Variants in LRIF1 observed in about 807,000 individuals in gnomAD.
LRIF1 encodes ligand-dependent nuclear receptor-interacting factor 1.
In LRIF1, 32 loss-of-function variants were observed where a neutral mutation model predicts 52.7. The ratio of observed to expected loss-of-function variants is 0.61; its 90% CI spans 0.46 to 0.82. The LOEUF is 0.82. LRIF1 is among the 40% of genes least tolerant of loss of function. LRIF1 has a pLI of 0.00. For missense variants in LRIF1, 887 were observed against 892.0 expected (o/e 0.99, Z 0.07); for synonymous variants, 323 against 317.4 (o/e 1.02, Z -0.19).
At chr1:110,897,608 T>A in the LRIF1 span, 20 of 474,176 alleles carry the variant, frequency 4.2e-5, no homozygotes, top group African/African-American at 3.9e-4. Flanking sequence ...ACTGTAATGA[T>A]AACACCACCA....
the LRIF1 span, among the ~76,000 whole-genome samples, chr1:110,931,800 T>C: frequency 5.9e-4 from 90 of 152,348 alleles, no homozygotes; most frequent in African/African-American, 2.1e-3. Flanking sequence ...GATGTGTCTG[T>C]TCATATCCTT....
the LRIF1 span, among the ~76,000 whole-genome samples, chr1:110,926,104 A>G: frequency 6.6e-6 from 1 of 152,150 alleles, no homozygotes; most frequent in African/African-American, 2.4e-5. Flanking sequence ...TTTAAATATC[A>G]TCATAATCAA....
the LRIF1 span, chr1:110,896,604 T>G: frequency 6.4e-7 from 1 of 1,566,586 alleles, no homozygotes. Context: ...ACAGCTTTTT[T>G]TCACTGTTGA....
chr1:110,920,931 C>A, the LRIF1 span, among the ~76,000 whole-genome samples: 437 of 152,134 alleles, frequency 2.9e-3, 1 homozygote, highest in African/African-American at 0.01. Context: ...CCAGCAAAAT[C>A]TAGTTAGGAG....
the LRIF1 span, among the ~76,000 whole-genome samples, chr1:110,914,448 T>C: frequency 6.6e-6 from 1 of 152,218 alleles, no homozygotes; most frequent in Non-Finnish European, 1.5e-5. Flanking sequence ...TATGTAAAAC[T>C]GATTAAACTC....
At chr1:110,875,275 C>T in the LRIF1 span, among the ~76,000 whole-genome samples, 1 of 152,166 alleles carries the variant, frequency 6.6e-6, no homozygotes, top group Non-Finnish European at 1.5e-5. Context: ...GTGGAAAGCC[C>T]TTTCTCCTAC....
chr1:110,910,146 T>C, the LRIF1 span, among the ~76,000 whole-genome samples: 10 of 151,730 alleles, frequency 6.6e-5, no homozygotes, highest in Admixed American at 2.6e-4. Flanking sequence ...AAGAGAGATA[T>C]CTAGAATCTA....
chr1:110,912,183 T>C, the LRIF1 span, among the ~76,000 whole-genome samples: 1 of 152,098 alleles, frequency 6.6e-6, no homozygotes, highest in Non-Finnish European at 1.5e-5. Flanking sequence ...AAAAAATCAG[T>C]AGCATTTCTT....
intron 1 of LRIF1, among the ~76,000 whole-genome samples, chr1:110,962,639 A>T (rs979572117): frequency 6.6e-6 from 1 of 152,220 alleles, no homozygotes; most frequent in African/African-American, 2.4e-5. Context: ...CCTAATCTTT[A>T]AAATATTTCT....
the LRIF1 span, among the ~76,000 whole-genome samples, chr1:110,882,278 G>A: frequency 1.3e-5 from 2 of 152,030 alleles, no homozygotes; most frequent in Admixed American, 6.6e-5. Context: ...ATGGAGAGAG[G>A]TATAAATGCA....
the LRIF1 span, chr1:110,937,485 G>A: frequency 1.3e-5 from 2 of 152,030 alleles, no homozygotes; most frequent in African/African-American, 4.8e-5. Context: ...TGACCAGTGG[G>A]TTGATGAAGA....
chr1:110,932,997 A>G, the LRIF1 span, among the ~76,000 whole-genome samples: 2 of 152,212 alleles, frequency 1.3e-5, no homozygotes, highest in Non-Finnish European at 2.9e-5. Flanking sequence ...ATTGGTATAG[A>G]TTAATAGGTA....
At chr1:110,930,193 A>G in the LRIF1 span, among the ~76,000 whole-genome samples, 65 of 151,904 alleles carry the variant, frequency 4.3e-4, no homozygotes, top group African/African-American at 1.5e-3. Flanking sequence ...CAGTTCTTCA[A>G]TTTTTTCCTT....
chr1:110,949,397 C>T (rs781117313), intron 3 of LRIF1, among the ~76,000 whole-genome samples: 81 of 146,942 alleles, frequency 5.5e-4, no homozygotes, highest in Non-Finnish European at 9.7e-4. Flanking sequence ...GGATTACAGG[C>T]GTGAGCCACT....
At position 110,952,689 on chromosome 1, in the gene LRIF1, A is replaced by G. The variant is rs1658534990; in HGVS notation, c.195T>C (p.Ser65=). The change falls in exon 2 of 4, where the codon TCT becomes TCC. Residue 65 remains serine, a synonymous_variant. Transcript: ENST00000369763. ...TTCCTGTATTCCCTTTCAAAGCATC[A>G]GACATGACTGAAGATTGAACTAGTG... ...LIPLVQSSVM[S]DALKGNTGKP... The G allele has an allele frequency of 1.2e-6, 2 of 1,614,016 alleles. No individual in the cohort carries two copies. The highest frequency in any genetic ancestry group is 2.7e-5 in the African/African-American group (2 of 74,926).
chr1:110,945,464 T>A (rs1288916149), downstream of LRIF1, among the ~76,000 whole-genome samples: 2 of 151,336 alleles, frequency 1.3e-5, no homozygotes, highest in Non-Finnish European at 3.0e-5. Flanking sequence ...CTCATTCTGT[T>A]GCCCAGGCTG....
At chr1:110,875,786 G>C in the LRIF1 span, among the ~76,000 whole-genome samples, 2 of 152,228 alleles carry the variant, frequency 1.3e-5, no homozygotes, top group Non-Finnish European at 2.9e-5. Flanking sequence ...GATTGAGCTG[G>C]AGGTTGGGTG....
the LRIF1 span, among the ~76,000 whole-genome samples, chr1:110,901,476 C>CGT: frequency 1.6e-5 from 1 of 63,544 alleles, no homozygotes; most frequent in Non-Finnish European, 4.2e-5. Flanking sequence ...TCGCACCCGG[C>CGT]CTTTTTTTTT....
chr1:110,892,888 A>T, the LRIF1 span: 1 of 194,122 alleles, frequency 5.2e-6, no homozygotes, highest in Admixed American at 5.3e-5. Context: ...ATTATTATGT[A>T]CTTTCAGATT....
Sources: allele counts gnomAD v4.1 joint callset (sites outside exome capture counted in the v4.1 genomes callset), GRCh38; gene constraint gnomAD v4.1.1; transcripts MANE v1.5; gene names NCBI Gene and HGNC (gene_info 2026-07-23, HGNC 2026-07-21).